Variants in FBXO36 observed in about 807,000 individuals in gnomAD.
FBXO36 encodes the protein F-box protein 36, also known as F-box only protein 36.
A neutral mutation model predicts 17.0 loss-of-function variants in FBXO36; 18 were observed. The ratio of observed to expected loss-of-function variants is 1.06; its 90% confidence interval spans 0.73 to 1.57. The LOEUF is 1.57. FBXO36 is among the 40% of genes most tolerant of loss of function. The pLI, the probability that FBXO36 is intolerant of heterozygous loss-of-function variation, is 0.00. For missense variants in FBXO36, 229 were observed against 221.9 expected (o/e 1.03, Z -0.20); for synonymous variants, 83 against 85.3 (o/e 0.97, Z 0.15).
intron 2 of FBXO36, among the ~76,000 whole-genome samples, chr2:229,979,693 T>G (rs2077228085): frequency 6.6e-6 from 1 of 151,368 alleles, no homozygotes; most frequent in Non-Finnish European, 1.5e-5. Context: ...GGCAGGAGAA[T>G]CACTTGAACC....
At chr2:230,004,187 A>G (rs184582641) in intron 3 of FBXO36, among the ~76,000 whole-genome samples, 1 of 152,070 alleles carries the variant, frequency 6.6e-6, no homozygotes, top group African/African-American at 2.4e-5. Context: ...TCCTGACTCA[A>G]CCACCACCTG....
chr2:229,949,400 TA>T (rs1482474003), intron 1 of FBXO36, among the ~76,000 whole-genome samples: 4 of 152,054 alleles, frequency 2.6e-5, no homozygotes, highest in Non-Finnish European at 4.4e-5. Context: ...TAAAATTATG[TA>T]AAAAGGAACA....
Position 229,947,184 on chromosome 2 carries a change from A to C in FBXO36, c.96+24575A>C, listed in dbSNP as rs1055465591. Reference sequence around the variant, plus strand: ...ACTCTGTCTCAAAAGTAAATAAATAACAATAAGAAGCAAGTATAGAATACA... The same window carrying C: ...ACTCTGTCTCAAAAGTAAATAAATACCAATAAGAAGCAAGTATAGAATACA... On this transcript the variant is annotated intron_variant, in intron 1 of 3. Coordinates refer to ENST00000283946, the MANE Select transcript of FBXO36 (RefSeq NM_174899.5). Among the ~76,000 whole-genome samples, 14 of 152,176 alleles carry C rather than the reference A, an allele frequency of 9.2e-5. No homozygotes were observed. In the South Asian group the frequency reaches 2.9e-3, roughly 32 times the overall value.
At chr2:229,945,446 A>G (rs2077021857) in intron 1 of FBXO36, among the ~76,000 whole-genome samples, 1 of 152,006 alleles carries the variant, frequency 6.6e-6, no homozygotes, top group Admixed American at 6.6e-5. Flanking sequence ...AGCTGGGAGT[A>G]CAGGTGCCCG....
At chr2:229,938,390 T>G (rs1220641771) in intron 1 of FBXO36, among the ~76,000 whole-genome samples, 4 of 124,598 alleles carry the variant, frequency 3.2e-5, no homozygotes, top group Non-Finnish European at 6.6e-5. Context: ...CCCGGCTAAT[T>G]TTTGTATTTT....
At chr2:229,974,614 TCTGGAGCGGTGCCCTG>T (rs1354109802) in intron 1 of FBXO36, among the ~76,000 whole-genome samples, 1 of 152,182 alleles carries the variant, frequency 6.6e-6, no homozygotes, top group African/African-American at 2.4e-5. Context: ...ATGTAACATT[TCTGGAGCGGTGCCCTG>T]GGCTCGATCT....
intron 3 of FBXO36, among the ~76,000 whole-genome samples, chr2:230,006,775 G>A (rs1261708307): frequency 6.6e-6 from 1 of 152,114 alleles, no homozygotes; most frequent in East Asian, 1.9e-4. Flanking sequence ...TCACCTCTAC[G>A]AGACAGAAAG....
intron 1 of FBXO36, among the ~76,000 whole-genome samples, chr2:229,971,259 G>A (rs1221068422): frequency 6.6e-6 from 1 of 151,780 alleles, no homozygotes; most frequent in Non-Finnish European, 1.5e-5. Context: ...GGAGGCTGAG[G>A]CAAGAGAATT....
chr2:229,976,634 G>A, intron 2 of FBXO36: 1 of 246,038 alleles, frequency 4.1e-6, no homozygotes, highest in Non-Finnish European at 7.8e-6. Flanking sequence ...GCCTGGCCAA[G>A]ATGGTGAAAC....
intron 2 of FBXO36, among the ~76,000 whole-genome samples, chr2:229,989,724 C>G (rs1176852700): frequency 8.6e-6 from 1 of 116,900 alleles, no homozygotes; most frequent in African/African-American, 3.1e-5. Context: ...CCACGCCTGG[C>G]TAATTTTTTT....
At chr2:229,936,188 AAAAC>A (rs746199882) in intron 1 of FBXO36, among the ~76,000 whole-genome samples, 18 of 152,100 alleles carry the variant, frequency 1.2e-4, no homozygotes, top group African/African-American at 2.7e-4. Flanking sequence ...TCCGTCTCAA[AAAAC>A]AAACAAACAA....
At chr2:229,942,428 A>G (rs775824546) in intron 1 of FBXO36, among the ~76,000 whole-genome samples, 1 of 152,122 alleles carries the variant, frequency 6.6e-6, no homozygotes, top group Non-Finnish European at 1.5e-5. Flanking sequence ...AATGCTGGTT[A>G]GGACCTTTGG....
chr2:229,994,991 G>A (rs1479131459), intron 2 of FBXO36, among the ~76,000 whole-genome samples: 1 of 152,112 alleles, frequency 6.6e-6, no homozygotes, highest in Admixed American at 6.6e-5. Context: ...GTGGGTGCCT[G>A]TAATCCCAGC....
At chr2:229,940,570 A>G (rs1303973777) in intron 1 of FBXO36, among the ~76,000 whole-genome samples, 1 of 152,170 alleles carries the variant, frequency 6.6e-6, no homozygotes, top group African/African-American at 2.4e-5. Flanking sequence ...ATTTAGAAAC[A>G]AGGTCATTGC....
At chr2:229,950,254 C>T (rs531709687) in intron 1 of FBXO36, among the ~76,000 whole-genome samples, 53 of 152,122 alleles carry the variant, frequency 3.5e-4, no homozygotes, top group Admixed American at 2.0e-4. Flanking sequence ...GGTGAAACCC[C>T]ATCTCTACTA....
intron 2 of FBXO36, among the ~76,000 whole-genome samples, chr2:229,983,076 G>A (rs2077249201): frequency 6.6e-6 from 1 of 151,786 alleles, no homozygotes; most frequent in Non-Finnish European, 1.5e-5. Flanking sequence ...TCCATCTCCT[G>A]GGCTCAAACA....
At chr2:229,931,064 T>G (rs1297741336) in intron 1 of FBXO36, among the ~76,000 whole-genome samples, 1 of 152,168 alleles carries the variant, frequency 6.6e-6, no homozygotes, top group Non-Finnish European at 1.5e-5. Context: ...AGTTGTGAAA[T>G]CCCTTTTAGT....
chr2:229,975,911 A>G (rs2077205754), intron 1 of FBXO36, among the ~76,000 whole-genome samples: 1 of 151,692 alleles, frequency 6.6e-6, no homozygotes, highest in Non-Finnish European at 1.5e-5. Flanking sequence ...GTGTTGAAGC[A>G]ATTCTCCTGC....
chr2:229,935,525 TAAATAA>T (rs2076959492), intron 1 of FBXO36, among the ~76,000 whole-genome samples: 2 of 151,640 alleles, frequency 1.3e-5, no homozygotes, highest in Admixed American at 6.6e-5. Flanking sequence ...AATAAGTAAA[TAAATAA>T]AAATAATAAT....
Sources: gnomAD v4.1 joint callset for allele counts (sites outside exome capture counted in the v4.1 genomes callset) on GRCh38, gnomAD v4.1.1 for gene constraint, MANE v1.5 for transcripts, NCBI Gene and HGNC (gene_info 2026-07-23, HGNC 2026-07-21) for gene names.